The following GREM2 variants were observed in gnomAD, a reference collection of about 807,000 sequenced individuals.
GREM2 encodes gremlin-2.
A neutral mutation model predicts 14.2 loss-of-function variants in GREM2; 11 were observed. The observed-to-expected ratio is 0.78, with a 90% CI of 0.49 to 1.28. The LOEUF (loss-of-function observed/expected upper bound fraction) is 1.28, where lower values mean the gene tolerates loss of function less well. Ranked by LOEUF, GREM2 falls within the 50% of genes most tolerant of loss-of-function variation. The pLI is 0.00. For missense variants in GREM2, 210 were observed against 218.5 expected, an observed-to-expected ratio of 0.96 and a Z score of 0.24; for synonymous variants, 98 against 97.6, an observed-to-expected ratio of 1.00 and a Z score of -0.02.
chr1:240,532,549 C>T (rs1427378672), intron 1 of GREM2, among the ~76,000 whole-genome samples: 1 of 152,090 alleles, frequency 6.6e-6, no homozygotes, highest in Non-Finnish European at 1.5e-5. Context: ...TTAAAGCAAT[C>T]TGCCAGATTT....
chr1:240,526,189 G>A (rs1211074672), intron 1 of GREM2, among the ~76,000 whole-genome samples: 1 of 152,106 alleles, frequency 6.6e-6, no homozygotes, highest in Non-Finnish European at 1.5e-5. Context: ...ATTAGGACGT[G>A]GGCATCTTTG....
chr1:240,605,144 G>C (rs12124734), intron 1 of GREM2, among the ~76,000 whole-genome samples: 1 of 152,082 alleles, frequency 6.6e-6, no homozygotes, highest in East Asian at 1.9e-4. Flanking sequence ...GGATGGATGC[G>C]TCAGGTTATA....
chr1:240,544,408 A>G (rs1048409474), intron 1 of GREM2, among the ~76,000 whole-genome samples: 2 of 152,078 alleles, frequency 1.3e-5, no homozygotes, highest in African/African-American at 2.4e-5. Flanking sequence ...TGGCCTCCCA[A>G]AGTGCTGGGA....
chr1:240,593,419 A>C (rs1270688982), intron 1 of GREM2, among the ~76,000 whole-genome samples: 1 of 151,742 alleles, frequency 6.6e-6, no homozygotes. Context: ...TGTTTCCACC[A>C]GTTATGAGTT....
At chr1:240,514,260 A>G (rs1677901624) in intron 1 of GREM2, among the ~76,000 whole-genome samples, 1 of 151,712 alleles carries the variant, frequency 6.6e-6, no homozygotes, top group Non-Finnish European at 1.5e-5. Context: ...AAAAAAAAAA[A>G]AAAAAAAAAG....
At chr1:240,510,085 G>C (rs532381818) in intron 1 of GREM2, among the ~76,000 whole-genome samples, 15 of 152,170 alleles carry the variant, frequency 9.9e-5, no homozygotes, top group African/African-American at 3.6e-4. Context: ...AAAGCAAATG[G>C]TAGGCCGGGT....
At chr1:240,532,897 T>C (rs1461662344) in intron 1 of GREM2, among the ~76,000 whole-genome samples, 3 of 152,260 alleles carry the variant, frequency 2.0e-5, no homozygotes, top group Non-Finnish European at 2.9e-5. Context: ...AAGTGTACAC[T>C]GTTTTGCTTC....
In GREM2 at chr1:240,492,107, G is replaced by A. The variant is rs1677266156; in HGVS notation, c.*862C>T. The A allele has an allele frequency of 7.2e-6, 2 of 277,838 alleles. No homozygotes were observed. Among genetic ancestry groups the A allele is most frequent in the Non-Finnish European group, 1.6e-5 (2 of 126,522 alleles). 17.2% of individuals were successfully genotyped at this position (277,838 alleles called of 1,614,324 possible). On this transcript the variant is annotated 3_prime_UTR_variant, in exon 2 of 2. Coordinates refer to ENST00000318160, the MANE Select transcript of GREM2 (RefSeq NM_022469.4). The stretch of plus-strand genomic sequence containing the variant: ...AGTCAAAACATGTGAAATAATACAT[G>A]AATAGGTCTATAATACTTTTTAACA...
chr1:240,601,634 C>T (rs1271171859), intron 1 of GREM2, among the ~76,000 whole-genome samples: 11 of 152,132 alleles, frequency 7.2e-5, no homozygotes, highest in South Asian at 2.1e-4. Context: ...AGGCCCGGCA[C>T]GGTGGCTCAC....
chr1:240,609,687 A>G (rs1680095955), intron 1 of GREM2, among the ~76,000 whole-genome samples: 1 of 152,162 alleles, frequency 6.6e-6, no homozygotes, highest in Admixed American at 6.5e-5. Context: ...CTGTAGCAAC[A>G]CTGAAGTACA....
chr1:240,505,527 T>C (rs778859185), intron 1 of GREM2, among the ~76,000 whole-genome samples: 2 of 152,140 alleles, frequency 1.3e-5, no homozygotes, highest in African/African-American at 4.8e-5. Context: ...ATTTAATAAT[T>C]ACTTACTAAA....
intron 1 of GREM2, among the ~76,000 whole-genome samples, chr1:240,598,548 C>A (rs1314644301): frequency 6.6e-6 from 1 of 152,192 alleles, no homozygotes; most frequent in Admixed American, 6.5e-5. Context: ...AGACATCAGT[C>A]ATCAGCAGTG....
intron 1 of GREM2, among the ~76,000 whole-genome samples, chr1:240,537,245 G>A (rs879796031): frequency 2.6e-5 from 4 of 152,172 alleles, no homozygotes; most frequent in Non-Finnish European, 4.4e-5. Flanking sequence ...AAATGTAAAA[G>A]TAGAGGAAGG....
chr1:240,496,458 T>C (rs1388766490), intron 1 of GREM2, among the ~76,000 whole-genome samples: 1 of 152,218 alleles, frequency 6.6e-6, no homozygotes, highest in Non-Finnish European at 1.5e-5. Flanking sequence ...TTCAACTCTT[T>C]GCTCGGTTAC....
rs182549765 is a variant in GREM2 at position 240,542,264 on chromosome 1, T to C, written c.-1-48788A>G. On this transcript the variant is annotated intron_variant, in intron 1 of 1. Coordinates refer to ENST00000318160, the MANE Select transcript of GREM2 (RefSeq NM_022469.4). This position sits in a 1 kb window ranked among gnomAD's most constrained non-coding sequence, Gnocchi z 4.1. ...TCTCCAGACCTGTGGAATTCAGAGGTATCTCTAACAAATCCACAGTAATTG... is the reference window on the plus strand; with the variant it reads ...TCTCCAGACCTGTGGAATTCAGAGGCATCTCTAACAAATCCACAGTAATTG... Among the ~76,000 whole-genome samples the C allele has an allele frequency of 2.2e-3, 334 of 152,040 alleles. 1 individual carries two copies. The highest frequency in any genetic ancestry group is 7.5e-3 in the African/African-American group (311 of 41,450).
At position 240,492,350 on chromosome 1, in the gene GREM2, C is replaced by A. The variant is rs547053910; in HGVS notation, c.*619G>T. ...TCGAGGTTTCCCGGGAAGCCCACTT[C>A]GGGATCCAAGTGGCTCAAGTTGTCT... On this transcript the variant is annotated 3_prime_UTR_variant, in exon 2 of 2. Transcript: ENST00000318160. The A allele has an allele frequency of 3.3e-6, 1 of 299,852 alleles. No individual in the cohort carries two copies. The highest frequency in any genetic ancestry group is 3.7e-5 in the Admixed American group (1 of 27,036). 18.6% of individuals were successfully genotyped at this position (299,852 alleles called of 1,614,324 possible). A position where few individuals can be genotyped will look rare whatever the true frequency, so the allele number is the denominator to read the frequency against.
rs563860683 is a variant in GREM2, at chr1:240,599,009, C to T, written c.-2+12875G>A. Among the ~76,000 whole-genome samples, 31 of 152,182 alleles carry T rather than the reference C, an allele frequency of 2.0e-4. No individual in the cohort carries two copies. The South Asian group carries it at 3.7e-3, about 18-fold the overall frequency. Reference sequence around the variant, plus strand: ...AGTGGTCGGGTGTGGTGGCTCATGCCTGTAATCTCAGCATTTTGGGAGACC... The same window carrying T: ...AGTGGTCGGGTGTGGTGGCTCATGCTTGTAATCTCAGCATTTTGGGAGACC... On this transcript the variant is annotated intron_variant, in intron 1 of 1. Transcript: ENST00000318160.
intron 1 of GREM2, among the ~76,000 whole-genome samples, chr1:240,509,140 T>G (rs957640714): frequency 6.6e-6 from 1 of 152,302 alleles, no homozygotes; most frequent in Non-Finnish European, 1.5e-5. Flanking sequence ...GGAGAGGATT[T>G]GAAAGTAATT....
intron 1 of GREM2, among the ~76,000 whole-genome samples, chr1:240,503,267 C>T (rs1413583796): frequency 2.0e-5 from 3 of 152,150 alleles, no homozygotes; most frequent in Non-Finnish European, 4.4e-5. Flanking sequence ...GTTTATCTTC[C>T]CGTATATTAA....
Sources: gnomAD v4.1 joint callset for allele counts (sites outside exome capture counted in the v4.1 genomes callset) on GRCh38, gnomAD v4.1.1 for gene constraint, Gnocchi (gnomAD v3.1) non-coding constraint, MANE v1.5 for transcripts, NCBI Gene and HGNC (gene_info 2026-07-23, HGNC 2026-07-21) for gene names.